The following UBASH3B variants were observed in gnomAD, a reference collection of about 807,000 sequenced individuals.
UBASH3B encodes the protein ubiquitin associated and SH3 domain containing B, also known as ubiquitin-associated and SH3 domain-containing protein B.
A neutral mutation model predicts 83.4 loss-of-function variants in UBASH3B; 37 were observed. The ratio of observed to expected loss-of-function variants is 0.44; its 90% confidence interval spans 0.34 to 0.58. The LOEUF is 0.58. Among genes scored for constraint, UBASH3B ranks in the 20% least tolerant of loss-of-function variants. The probability of loss-of-function intolerance (pLI) is 0.01; values close to 1 mark genes in which losing one functional copy is unlikely to be tolerated. For synonymous variants in UBASH3B, 304 were observed against 318.3 expected (o/e 0.96, Z 0.48); for missense variants, 657 against 827.2 (o/e 0.79, Z 2.52).
At chr11:122,674,689 G>A (rs1863643548) in intron 1 of UBASH3B, among the ~76,000 whole-genome samples, 1 of 144,702 alleles carries the variant, frequency 6.9e-6, no homozygotes, top group Non-Finnish European at 1.5e-5. Flanking sequence ...CCCAAACATT[G>A]TCTTCTTACT....
At chr11:122,767,921 T>C (rs534534885) in intron 1 of UBASH3B, among the ~76,000 whole-genome samples, 1 of 152,308 alleles carries the variant, frequency 6.6e-6, no homozygotes, top group East Asian at 1.9e-4. Flanking sequence ...GCCAATGTCT[T>C]AATGATGTCT....
intron 1 of UBASH3B, among the ~76,000 whole-genome samples, chr11:122,674,781 TG>T (rs1213467844): frequency 7.0e-6 from 1 of 141,864 alleles, no homozygotes; most frequent in Non-Finnish European, 1.5e-5. Flanking sequence ...CAGGCTGGAG[TG>T]CAGTGGCACA....
intron 1 of UBASH3B, among the ~76,000 whole-genome samples, chr11:122,724,569 G>A (rs893089795): frequency 7.1e-6 from 1 of 141,590 alleles, no homozygotes. Context: ...GGGACACAGA[G>A]GAGCGGCCAG....
intron 1 of UBASH3B, among the ~76,000 whole-genome samples, chr11:122,659,035 A>G (rs1057192494): frequency 1.3e-5 from 2 of 152,108 alleles, no homozygotes; most frequent in African/African-American, 2.4e-5. Flanking sequence ...GGCTGCATCA[A>G]TCCAATCACT....
chr11:122,690,191 T>TCCA (rs60142424), intron 1 of UBASH3B, among the ~76,000 whole-genome samples: 1,340 of 27,400 alleles, frequency 0.049, 60 homozygotes, highest in Non-Finnish European at 0.062. Context: ...TATATATATA[T>TCCA]ATATATATAT....
chr11:122,701,267 C>T (rs1395657464), intron 1 of UBASH3B, among the ~76,000 whole-genome samples: 1 of 152,190 alleles, frequency 6.6e-6, no homozygotes, highest in Non-Finnish European at 1.5e-5. Context: ...AGGCAATGTT[C>T]TAATTGGGTC....
At chr11:122,657,466 T>C (rs974172069) in intron 1 of UBASH3B, among the ~76,000 whole-genome samples, 2 of 152,078 alleles carry the variant, frequency 1.3e-5, no homozygotes, top group African/African-American at 4.8e-5. Flanking sequence ...TTTTTATATT[T>C]TTAGAAGAGA....
At position 122,739,028 on chromosome 11, in the gene UBASH3B, C is replaced by T. The variant is rs560805264; in HGVS notation, c.162-37191C>T. Among the ~76,000 whole-genome samples, 9 of 152,146 alleles carry T rather than the reference C, an allele frequency of 5.9e-5. No homozygotes were observed. In the South Asian group the frequency reaches 6.2e-4, roughly 11 times the overall value. ...TTTGTTTTGTTTTTGAGACAAGGTC[C>T]CACTCTGTTGCTCAGGCTGGAGTGT... On this transcript the variant is annotated intron_variant, in intron 1 of 13. Transcript: ENST00000284273.
At chr11:122,715,177 C>T (rs1210261542) in intron 1 of UBASH3B, among the ~76,000 whole-genome samples, 1 of 152,174 alleles carries the variant, frequency 6.6e-6, no homozygotes, top group Non-Finnish European at 1.5e-5. Context: ...GATCTCCTGA[C>T]CTCGTGATCC....
At position 122,655,830 on chromosome 11, in the gene UBASH3B, G is replaced by C; in HGVS notation, c.-220G>C. 1 of 505,288 alleles carries C rather than the reference G, an allele frequency of 2.0e-6. No individual in the cohort carries two copies. The highest frequency in any genetic ancestry group is 3.4e-6 in the Non-Finnish European group (1 of 294,974). 31.3% of individuals were successfully genotyped at this position (505,288 alleles called of 1,614,324 possible). On this transcript the variant is annotated 5_prime_UTR_variant, in exon 1 of 14. Transcript: ENST00000284273. ...CCGGGGGCCCGAGTGGCTGAGGCTGGTCCCGCAGCGGCCGCTTGCCGGCGT... is the reference window on the plus strand; with the variant it reads ...CCGGGGGCCCGAGTGGCTGAGGCTGCTCCCGCAGCGGCCGCTTGCCGGCGT...
chr11:122,779,552 G>A lies in UBASH3B; in HGVS notation c.458G>A (p.Arg153His), dbSNP rs756434598. Reference protein sequence around the residue: ...LGEALQTTVSRWKCKFSAPLP... With the variant: ...LGEALQTTVSHWKCKFSAPLP... ...GAAGCCCTGCAGACCACGGTCAGTCGCTGGAAATGTAAGTTCTCGGCCCCG... is the reference window on the plus strand; with the variant it reads ...GAAGCCCTGCAGACCACGGTCAGTCACTGGAAATGTAAGTTCTCGGCCCCG... The change falls in exon 4 of 14, where the codon CGC becomes CAC. Residue 153 changes from arginine to histidine, a missense_variant. Arg to His is a conservative substitution (Grantham distance 29, BLOSUM62 0). Coordinates refer to ENST00000284273, the MANE Select transcript of UBASH3B (RefSeq NM_032873.5). The A allele has an allele frequency of 9.3e-6, 15 of 1,614,014 alleles. No individual in the cohort carries two copies. The Admixed American group carries it at 1.0e-4, about 11-fold the overall frequency.
rs150643204 is a variant in UBASH3B, at chr11:122,788,543, T to C, written c.772-557T>C. 1.9e-3 allele frequency among the ~76,000 whole-genome samples: 285 copies of C among 152,266 alleles called. 3 individuals are homozygous for C. Among genetic ancestry groups the C allele is most frequent in the African/African-American group, 6.1e-3 (253 of 41,540 alleles). On this transcript the variant is annotated intron_variant, in intron 5 of 13. Transcript: ENST00000284273. ...GAGATCATGCCATTGCACTCCAGCC[T>C]GGGCAACAAGAGTGAAACTCTATCT...
chr11:122,700,538 C>T (rs112901846), intron 1 of UBASH3B, among the ~76,000 whole-genome samples: 1,930 of 139,134 alleles, frequency 0.014, 43 homozygotes, highest in African/African-American at 0.046. Flanking sequence ...GCTCTGTCAC[C>T]TAGTCTGAAG....
At chr11:122,702,622 T>C (rs1204964869) in intron 1 of UBASH3B, among the ~76,000 whole-genome samples, 1 of 151,970 alleles carries the variant, frequency 6.6e-6, no homozygotes, top group Non-Finnish European at 1.5e-5. Context: ...CCTCCCGAGT[T>C]CAAGCGATTC....
At chr11:122,761,720 T>C (rs1278763238) in intron 1 of UBASH3B, among the ~76,000 whole-genome samples, 1 of 150,578 alleles carries the variant, frequency 6.6e-6, no homozygotes, top group Admixed American at 6.6e-5. Flanking sequence ...AAACAGCTAG[T>C]CTCTGTTGTC....
chr11:122,793,267 C>T (rs772272309), intron 6 of UBASH3B, among the ~76,000 whole-genome samples: 1 of 152,150 alleles, frequency 6.6e-6, no homozygotes, highest in Non-Finnish European at 1.5e-5. Context: ...CCTGTAATCC[C>T]AGCTACTCCA....
rs774307395 is a variant in UBASH3B at position 122,776,993 on chromosome 11, G to A, written c.216-31G>A. 86 of 1,543,444 alleles carry A rather than the reference G, an allele frequency of 5.6e-5. 1 individual carries two copies. The highest frequency in any genetic ancestry group is 9.7e-5 in the Admixed American group (5 of 51,704). ...TTTTCCCCTCCCATTATTCTCAAGC[G>A]ACACCTTGTTGGCTTACTTCTGTCT... On this transcript the variant is annotated intron_variant, in intron 2 of 13. Transcript: ENST00000284273.
intron 1 of UBASH3B, among the ~76,000 whole-genome samples, chr11:122,701,218 A>G (rs1404489868): frequency 3.3e-5 from 5 of 152,166 alleles, no homozygotes; most frequent in African/African-American, 7.2e-5. Flanking sequence ...TAAGGATGTT[A>G]TTGATTGATT....
intron 1 of UBASH3B, among the ~76,000 whole-genome samples, chr11:122,719,974 C>G (rs1326105432): frequency 2.6e-5 from 4 of 152,190 alleles, no homozygotes; most frequent in Admixed American, 2.6e-4. Flanking sequence ...AACTCCTTGG[C>G]TGGCTTCCTC....
Sources: gnomAD v4.1 joint callset for allele counts (sites outside exome capture counted in the v4.1 genomes callset) on GRCh38, gnomAD v4.1.1 for gene constraint, MANE v1.5 for transcripts, NCBI Gene and HGNC (gene_info 2026-07-23, HGNC 2026-07-21) for gene names.